WFDC2: variants seen among roughly 807,000 people sequenced by gnomAD.
WFDC2 encodes the protein WAP four-disulfide core domain 2, also known as WAP four-disulfide core domain protein 2.
Under a neutral mutation model 12.5 loss-of-function variants are expected in WFDC2, and 8 were observed. The ratio of observed to expected loss-of-function variants is 0.64; its 90% CI spans 0.37 to 1.15. WFDC2 has a LOEUF of 1.15. Among genes scored for constraint, WFDC2 ranks in the 50% most tolerant of loss-of-function variants. The pLI, the probability that WFDC2 is intolerant of heterozygous loss-of-function variation, is 0.01. For missense variants in WFDC2, 166 were observed against 159.9 expected (o/e 1.04, Z -0.21); for synonymous variants, 74 against 67.2 (o/e 1.10, Z -0.49).
chr20:45,478,145 C>T (rs1202427829), intron 2 of WFDC2, among the ~76,000 whole-genome samples: 1 of 152,172 alleles, frequency 6.6e-6, no homozygotes, highest in Admixed American at 6.5e-5. Flanking sequence ...TCCCTAGCTT[C>T]AGCCCCCTTT....
intron 2 of WFDC2, among the ~76,000 whole-genome samples, chr20:45,478,909 G>T (rs1991267291): frequency 6.6e-6 from 1 of 152,218 alleles, no homozygotes; most frequent in Non-Finnish European, 1.5e-5. Flanking sequence ...CCGGTGATCT[G>T]TCAGCCACTT....
rs899280827 is a variant in WFDC2, at chr20:45,470,962, C to A, written c.223+430C>A. 7.2e-5 allele frequency among the ~76,000 whole-genome samples: 11 copies of A among 152,214 alleles called. No homozygotes were observed. The highest frequency in any genetic ancestry group is 5.9e-4 in the Admixed American group (9 of 15,292). ...CAGCCCTGGGGAAAGACTGGGAGAG[C>A]CTGGCCTGGCAAGATTTTCCCCAAT... On this transcript the variant is annotated intron_variant, in intron 2 of 3. Coordinates refer to ENST00000372676, the MANE Select transcript of WFDC2 (RefSeq NM_006103.4). This position sits in a 1 kb window ranked among gnomAD's most constrained non-coding sequence, Gnocchi z 5.4.
chr20:45,474,910 G>T (rs890026488), intron 2 of WFDC2, among the ~76,000 whole-genome samples: 3 of 152,102 alleles, frequency 2.0e-5, no homozygotes, highest in African/African-American at 7.2e-5. Flanking sequence ...GACTTGGGAG[G>T]GTGTATGTGT....
intron 2 of WFDC2, chr20:45,479,666 C>T (rs1230065814): frequency 6.2e-7 from 1 of 1,613,458 alleles, no homozygotes. Context: ...CACCTAAAGA[C>T]ACGGAGGCTC....
intron 2 of WFDC2, among the ~76,000 whole-genome samples, chr20:45,474,582 C>T (rs6032219): frequency 0.33 from 49,903 of 151,996 alleles, 9,755 homozygotes; most frequent in East Asian, 0.62. Context: ...GGTTTGCCAG[C>T]ATTTTATTAA....
chr20:45,481,274 G>C (rs1991298162), intron 3 of WFDC2, 97 bp from the exon 4 acceptor site: 1 of 152,264 alleles, frequency 6.6e-6, no homozygotes, highest in African/African-American at 2.4e-5. Flanking sequence ...GGATGGGGTG[G>C]GGTCAAGGAG....
At chr20:45,475,450 A>T (rs1174979840) in intron 2 of WFDC2, among the ~76,000 whole-genome samples, 2 of 152,214 alleles carry the variant, frequency 1.3e-5, no homozygotes. Context: ...GTAGTCATTC[A>T]GGAGCAGGTT....
At position 45,470,733 on chromosome 20, in the gene WFDC2, G is replaced by A. The variant is rs1017733575; in HGVS notation, c.223+201G>A. Among the ~76,000 whole-genome samples, 7 of 152,160 alleles carry A rather than the reference G, an allele frequency of 4.6e-5. No individual in the cohort carries two copies. The highest frequency in any genetic ancestry group is 9.7e-5 in the African/African-American group (4 of 41,448). ...AAGGCGTCGTTGAAACGCAGCCAAG[G>A]GGGGGTCCCCACCCCTAGCTGGGAT... On this transcript the variant is annotated intron_variant, in intron 2 of 3. Coordinates refer to ENST00000372676, the MANE Select transcript of WFDC2 (RefSeq NM_006103.4). This position sits in a 1 kb window ranked among gnomAD's most constrained non-coding sequence, Gnocchi z 5.4.
intron 1 of WFDC2, 78 bp downstream of exon 1, chr20:45,469,938 G>C: frequency 6.6e-7 from 1 of 1,518,376 alleles, no homozygotes; most frequent in Non-Finnish European, 8.9e-7. Context: ...CGGAGGCGTA[G>C]CCTCTGGAGG....
At chr20:45,478,844 A>T (rs1256726064) in intron 2 of WFDC2, among the ~76,000 whole-genome samples, 1 of 151,994 alleles carries the variant, frequency 6.6e-6, no homozygotes, top group Non-Finnish European at 1.5e-5. Context: ...ACCTCCGATG[A>T]TCCCACCCGC....
At position 45,470,245 on chromosome 20, in the gene WFDC2, A is replaced by G. The variant is rs563807151; in HGVS notation, c.80-144A>G. The G allele has an allele frequency of 7.4e-6, 9 of 1,217,774 alleles. No individual in the cohort carries two copies. The East Asian group carries it at 1.6e-4, about 21-fold the overall frequency. The allele number at this position is 1,217,774 out of a possible 1,614,324, so 75.4% of individuals were successfully genotyped here. A position where few individuals can be genotyped will look rare whatever the true frequency, so the allele number is the denominator to read the frequency against. On this transcript the variant is annotated intron_variant, in intron 1 of 3. Transcript: ENST00000372676. This position sits in a 1 kb window ranked among gnomAD's most constrained non-coding sequence, Gnocchi z 5.4. ...AGGGGTCAGGGACTCCTGGTCTGGA[A>G]GAAGGAGTCTCTGGGGGCTGTAAGG...
rs532067509 is a variant in WFDC2 at position 45,476,143 on chromosome 20, G to A, written c.224-3799G>A. On this transcript the variant is annotated intron_variant, in intron 2 of 3. Coordinates refer to ENST00000372676, the MANE Select transcript of WFDC2 (RefSeq NM_006103.4). ...CTCTTTATCCAATTTGCCAGTCTTT[G>A]TCTTTTAACTGGGGCATTTAGCCTG... 8.5e-5 allele frequency among the ~76,000 whole-genome samples: 13 copies of A among 152,298 alleles called. No individual in the cohort carries two copies. In the East Asian group the frequency reaches 2.5e-3, roughly 29 times the overall value.
In WFDC2 at chr20:45,470,371, C is replaced by G. The variant is rs749460357; in HGVS notation, c.80-18C>G. The G allele has an allele frequency of 6.4e-7, 1 of 1,570,600 alleles. No homozygotes were observed. Among genetic ancestry groups the G allele is most frequent in the Non-Finnish European group, 8.6e-7 (1 of 1,156,948 alleles). Reference sequence around the variant, plus strand: ...GCGCTACGCCCCACCCTCGACTGTCCCGGGCCTCCCCTCCCAGGCACAGGA... The same window carrying G: ...GCGCTACGCCCCACCCTCGACTGTCGCGGGCCTCCCCTCCCAGGCACAGGA... On this transcript the variant is annotated intron_variant, in intron 1 of 3. Transcript: ENST00000372676. This position sits in a 1 kb window ranked among gnomAD's most constrained non-coding sequence, Gnocchi z 5.4.
chr20:45,471,614 G>A (rs973691405), intron 2 of WFDC2, among the ~76,000 whole-genome samples: 28 of 152,192 alleles, frequency 1.8e-4, no homozygotes, highest in Non-Finnish European at 3.5e-4. Context: ...CCCTCCTCTG[G>A]GCCAGGGAGA....
At chr20:45,479,698 C>T (rs367866781) in intron 2 of WFDC2, 10 of 1,614,032 alleles carry the variant, frequency 6.2e-6, no homozygotes, top group Non-Finnish European at 8.5e-6. Context: ...TGGCCCTAGG[C>T]CACGAAGGCC....
At chr20:45,479,832 C>T in intron 2 of WFDC2, 110 bp from the exon 3 acceptor site, 1 of 1,613,740 alleles carries the variant, frequency 6.2e-7, no homozygotes. Flanking sequence ...GCAGGCAGCT[C>T]TGCTGTATGT....
At chr20:45,480,148 G>A (rs1456907050) in intron 3 of WFDC2, 54 bp downstream of exon 3, 3 of 1,603,888 alleles carry the variant, frequency 1.9e-6, no homozygotes, top group African/African-American at 2.7e-5. Context: ...GTGGGAAACA[G>A]GAGAAAACGT....
At position 45,470,306 on chromosome 20, in the gene WFDC2, G is replaced by T. The variant is rs747937696; in HGVS notation, c.80-83G>T. The T allele has an allele frequency of 3.4e-6, 5 of 1,488,066 alleles. No homozygotes were observed. Among genetic ancestry groups the T allele is most frequent in the African/African-American group, 1.4e-5 (1 of 71,524 alleles). The allele number at this position is 1,488,066 out of a possible 1,614,324, so 92.2% of individuals were successfully genotyped here. A position where few individuals can be genotyped will look rare whatever the true frequency, so the allele number is the denominator to read the frequency against. ...GGCCAGAGACTGAGAATTCCTTGGG[G>T]TTAAGGTTTGGAGCAGGAGGTGGGC... On this transcript the variant is annotated intron_variant, in intron 1 of 3. Coordinates refer to ENST00000372676, the MANE Select transcript of WFDC2 (RefSeq NM_006103.4). The surrounding 1 kb of genome is among the most constrained non-coding windows in gnomAD (Gnocchi z 5.4).
At chr20:45,479,862 T>TG (rs758670546) in intron 2 of WFDC2, 80 bp from the exon 3 acceptor site, 58 of 1,613,748 alleles carry the variant, frequency 3.6e-5, no homozygotes, top group Non-Finnish European at 4.4e-5. Context: ...TGAGGGGCAG[T>TG]GGGGGGGCCA....
Sources: allele counts gnomAD v4.1 joint callset (sites outside exome capture counted in the v4.1 genomes callset), GRCh38; gene constraint gnomAD v4.1.1; non-coding constraint Gnocchi (gnomAD v3.1); transcripts MANE v1.5; gene names NCBI Gene and HGNC (gene_info 2026-07-23, HGNC 2026-07-21).